Variants in ZBTB38 observed in about 807,000 individuals in gnomAD.
ZBTB38 encodes the protein zinc finger and BTB domain containing 38.
In ZBTB38, 20 loss-of-function variants were observed where a neutral mutation model predicts 76.8. The ratio of observed to expected loss-of-function variants is 0.26; its 90% CI spans 0.18 to 0.38. The LOEUF is 0.38. ZBTB38 is among the 10% of genes least tolerant of loss of function. The pLI, the probability that ZBTB38 is intolerant of heterozygous loss-of-function variation, is 1.00. For missense variants in ZBTB38, 1,082 were observed against 1,482.3 expected (o/e 0.73, Z 4.43); for synonymous variants, 504 against 544.2 (o/e 0.93, Z 1.03).
chr3:141,444,860 G>T lies in ZBTB38; in HGVS notation c.2472G>T (p.Leu824=), dbSNP rs773700264. 4.3e-6 allele frequency: 7 copies of T among 1,614,126 alleles called. No homozygotes were observed. Among genetic ancestry groups the T allele is most frequent in the Admixed American group, 1.7e-5 (1 of 60,020 alleles). ...KIETYIAKPA[L]PGTSTNSNVA... ...AAACCTACATTGCAAAACCTGCTCT[G>T]CCGGGAACCTCCACAAATAGTAATG... Residue 824 remains leucine, a synonymous_variant, in exon 6 of 6, where the codon CTG becomes CTT. Transcript: ENST00000321464. The surrounding 1 kb of genome is among the most constrained non-coding windows in gnomAD (Gnocchi z 5.1).
chr3:141,333,871 C>G (rs1010619255), intron 1 of ZBTB38, among the ~76,000 whole-genome samples: 2 of 152,200 alleles, frequency 1.3e-5, no homozygotes, highest in Non-Finnish European at 2.9e-5. Flanking sequence ...TTCTCCCTCA[C>G]AGTGTGGATC....
At chr3:141,420,508 A>G (rs2075117347) in intron 5 of ZBTB38, among the ~76,000 whole-genome samples, 1 of 152,198 alleles carries the variant, frequency 6.6e-6, no homozygotes, top group African/African-American at 2.4e-5. Context: ...CCTTGATTCC[A>G]AACATATTGA....
In ZBTB38 at chr3:141,397,043, T is replaced by C. The variant is rs531000710; in HGVS notation, c.-105-6884T>C. 8.5e-5 allele frequency among the ~76,000 whole-genome samples: 13 copies of C among 152,336 alleles called. No homozygotes were observed. In the South Asian group the frequency reaches 2.7e-3, roughly 32 times the overall value. ...TGAAGTTTTGAAGCCAGGCATTGAT[T>C]TCTCCTCTCTATTTATGAAAGTCCT... On this transcript the variant is annotated intron_variant, in intron 4 of 5. Coordinates refer to ENST00000321464, the MANE Select transcript of ZBTB38 (RefSeq NM_001376113.1).
At chr3:141,406,856 GTGGATTCACAAGTGCAAAGTTACATTGT>G (rs1028078666) in intron 5 of ZBTB38, among the ~76,000 whole-genome samples, 2 of 152,158 alleles carry the variant, frequency 1.3e-5, no homozygotes, top group Non-Finnish European at 2.9e-5. Context: ...AGGAAGACTG[GTGGATTCACAAGTGCAAAGTTACATTGT>G]TGGTGTTTTC....
intron 1 of ZBTB38, among the ~76,000 whole-genome samples, chr3:141,357,900 G>C (rs1322084860): frequency 2.6e-5 from 4 of 152,140 alleles, no homozygotes; most frequent in Non-Finnish European, 5.9e-5. Flanking sequence ...TATATGCATT[G>C]TAGAGAAAAA....
chr3:141,340,949 G>GAAAAGAAAAGAAAA (rs1943165885), intron 1 of ZBTB38, among the ~76,000 whole-genome samples: 48 of 111,998 alleles, frequency 4.3e-4, no homozygotes, highest in Middle Eastern at 3.9e-3. Flanking sequence ...AAAGAAAGAA[G>GAAAAGAAAAGAAAA]GAAAGAAAGA....
At chr3:141,438,767 G>A (rs2079409731) in intron 5 of ZBTB38, among the ~76,000 whole-genome samples, 2 of 151,924 alleles carry the variant, frequency 1.3e-5, no homozygotes, top group African/African-American at 2.4e-5. Flanking sequence ...AAATTTAACT[G>A]TAGGGAGTCC....
At position 141,398,287 on chromosome 3, in the gene ZBTB38, C is replaced by T. The variant is rs187409989; in HGVS notation, c.-105-5640C>T. On this transcript the variant is annotated intron_variant, in intron 4 of 5. Transcript: ENST00000321464. ...TAACAATGTTTTTAGTTGAATGAGT[C>T]GCCAATATTTTTGTTTCTTGGTTTT... 2.2e-4 allele frequency among the ~76,000 whole-genome samples: 33 copies of T among 152,114 alleles called. 1 individual carries two copies. Among genetic ancestry groups the T allele is most frequent in the Admixed American group, 1.4e-3 (21 of 15,280 alleles).
chr3:141,426,514 AGAG>A (rs906418957), intron 5 of ZBTB38, among the ~76,000 whole-genome samples: 2 of 152,128 alleles, frequency 1.3e-5, no homozygotes, highest in Non-Finnish European at 2.9e-5. Context: ...GCTCCTTATG[AGAG>A]GAGGAGAGGA....
chr3:141,329,599 G>A (rs1321369097), intron 1 of ZBTB38, among the ~76,000 whole-genome samples: 1 of 152,196 alleles, frequency 6.6e-6, no homozygotes, highest in African/African-American at 2.4e-5. Flanking sequence ...AAAACGTGGT[G>A]CCATGTAGCA....
At chr3:141,360,578 AT>A (rs1943791178) in intron 1 of ZBTB38, among the ~76,000 whole-genome samples, 1 of 152,294 alleles carries the variant, frequency 6.6e-6, no homozygotes, top group East Asian at 1.9e-4. Flanking sequence ...AACAATTCTA[AT>A]TTTTAAAAAG....
At chr3:141,380,537 T>G (rs1270951741) in intron 2 of ZBTB38, among the ~76,000 whole-genome samples, 1 of 152,144 alleles carries the variant, frequency 6.6e-6, no homozygotes, top group Non-Finnish European at 1.5e-5. Context: ...ATCCCACTGG[T>G]AGTGGTAGAG....
intron 5 of ZBTB38, among the ~76,000 whole-genome samples, chr3:141,420,797 C>A (rs1415611772): frequency 6.6e-6 from 1 of 152,022 alleles, no homozygotes; most frequent in African/African-American, 2.4e-5. Flanking sequence ...GAGCAGGAAT[C>A]AGTAGAGCAT....
At chr3:141,370,468 G>T (rs1241076420) in intron 2 of ZBTB38, among the ~76,000 whole-genome samples, 1 of 152,250 alleles carries the variant, frequency 6.6e-6, no homozygotes, top group Non-Finnish European at 1.5e-5. Flanking sequence ...AGCAGTGACA[G>T]CTCTGGAGGG....
chr3:141,350,405 G>C (rs1359896089), intron 1 of ZBTB38, among the ~76,000 whole-genome samples: 1 of 151,972 alleles, frequency 6.6e-6, no homozygotes, highest in Non-Finnish European at 1.5e-5. Context: ...GTTTGTATTT[G>C]CCTTTCTGAG....
intron 4 of ZBTB38, among the ~76,000 whole-genome samples, chr3:141,402,089 A>C (rs1952200072): frequency 6.6e-6 from 1 of 152,074 alleles, no homozygotes; most frequent in Non-Finnish European, 1.5e-5. Context: ...GCAGGTTCTG[A>C]ATTGTGTCCT....
chr3:141,431,151 C>T (rs952622489), intron 5 of ZBTB38, among the ~76,000 whole-genome samples: 11 of 151,356 alleles, frequency 7.3e-5, no homozygotes, highest in African/African-American at 2.4e-4. Flanking sequence ...GGTGAAACCC[C>T]GTCTCTACTA....
chr3:141,398,282 T>C (rs1037395716), intron 4 of ZBTB38, among the ~76,000 whole-genome samples: 2 of 152,250 alleles, frequency 1.3e-5, no homozygotes, highest in African/African-American at 4.8e-5. Context: ...TTTAGTTGAA[T>C]GAGTCGCCAA....
At chr3:141,349,465 GCAAA>G (rs1304593232) in intron 1 of ZBTB38, among the ~76,000 whole-genome samples, 11 of 152,064 alleles carry the variant, frequency 7.2e-5, no homozygotes, top group Non-Finnish European at 7.4e-5. Context: ...CAAAAAACAA[GCAAA>G]CAAACAAACA....
Sources: allele counts gnomAD v4.1 joint callset (sites outside exome capture counted in the v4.1 genomes callset), GRCh38; gene constraint gnomAD v4.1.1; non-coding constraint Gnocchi (gnomAD v3.1); transcripts MANE v1.5; gene names NCBI Gene and HGNC (gene_info 2026-07-23, HGNC 2026-07-21).